Variants in SPATS2 observed in about 807,000 individuals in gnomAD.
The protein encoded by SPATS2 is spermatogenesis associated serine rich 2.
In SPATS2, 38 loss-of-function variants were observed where a neutral mutation model predicts 63.7. That is an observed-to-expected ratio of 0.60 (90% CI 0.46 to 0.78). SPATS2 has a LOEUF of 0.78. Among genes scored for constraint, SPATS2 ranks in the 30% least tolerant of loss-of-function variants. The probability of loss-of-function intolerance (pLI) is 0.00; values close to 1 mark genes in which losing one functional copy is unlikely to be tolerated. For synonymous variants in SPATS2, 207 were observed against 232.9 expected, an observed-to-expected ratio of 0.89 and a Z score of 1.01; for missense variants, 588 against 666.2, an observed-to-expected ratio of 0.88 and a Z score of 1.29.
In SPATS2 at chr12:49,412,572, G is replaced by A. The variant is rs560085937; in HGVS notation, c.-244+41282G>A. Among the ~76,000 whole-genome samples the A allele has an allele frequency of 2.0e-4, 30 of 152,014 alleles. No homozygotes were observed. The South Asian group carries it at 5.7e-3, about 29-fold the overall frequency. On this transcript the variant is annotated intron_variant, in intron 2 of 13. Coordinates refer to ENST00000552918, the MANE Select transcript of SPATS2 (RefSeq NM_023071.4). ...AGGCAGTAAACCATTGATTATGTGT[G>A]TGTGTAAATAATTAGAAGTCGTTTC...
chr12:49,453,369 T>G (rs1251316880), intron 2 of SPATS2, among the ~76,000 whole-genome samples: 3 of 152,168 alleles, frequency 2.0e-5, no homozygotes, highest in Non-Finnish European at 4.4e-5. Flanking sequence ...TTTTTCCTCC[T>G]TCTGAGGGTT....
At chr12:49,414,684 A>T (rs1944854652) in intron 2 of SPATS2, among the ~76,000 whole-genome samples, 1 of 147,556 alleles carries the variant, frequency 6.8e-6, no homozygotes, top group Non-Finnish European at 1.5e-5. Flanking sequence ...AGCTCACTGC[A>T]GCCTTGAACT....
intron 4 of SPATS2, among the ~76,000 whole-genome samples, chr12:49,487,932 C>T (rs1946321778): frequency 1.3e-5 from 2 of 152,130 alleles, no homozygotes; most frequent in Non-Finnish European, 2.9e-5. Flanking sequence ...AAACATGCCA[C>T]AGTTACCTAT....
chr12:49,505,959 T>G (rs1565755754), intron 9 of SPATS2, among the ~76,000 whole-genome samples: 1 of 152,224 alleles, frequency 6.6e-6, no homozygotes, highest in Non-Finnish European at 1.5e-5. Context: ...AACTTTATGA[T>G]GGTATGAAAG....
At chr12:49,401,293 G>A (rs541190293) in intron 2 of SPATS2, among the ~76,000 whole-genome samples, 7 of 152,280 alleles carry the variant, frequency 4.6e-5, no homozygotes, top group Admixed American at 4.6e-4. Context: ...TTACAGGCAT[G>A]AGCCACTGCA....
At chr12:49,385,392 C>T (rs559897972) in intron 2 of SPATS2, among the ~76,000 whole-genome samples, 6 of 108,794 alleles carry the variant, frequency 5.5e-5, no homozygotes, top group Admixed American at 5.2e-4. Flanking sequence ...GTGTGTGTGG[C>T]AGAGACAGAG....
Position 49,522,704 on chromosome 12 carries a change from G to T in SPATS2, c.1009-47G>T, listed in dbSNP as rs572209622. ...CTGTATAGCAAGTTATAGATTCCAT[G>T]GATGTTGTTTGTCTAACCTGGAGGC... On this transcript the variant is annotated intron_variant, in intron 11 of 13. Transcript: ENST00000552918. The T allele has an allele frequency of 9.0e-6, 13 of 1,445,672 alleles. No homozygotes were observed. In the South Asian group the frequency reaches 1.4e-4, roughly 16 times the overall value. The allele number at this position is 1,445,672 out of a possible 1,614,324, so 89.6% of individuals were successfully genotyped here.
intron 2 of SPATS2, among the ~76,000 whole-genome samples, chr12:49,430,040 C>G (rs1170862948): frequency 6.6e-6 from 1 of 151,352 alleles, no homozygotes; most frequent in East Asian, 1.9e-4. Context: ...CTCAGCCTCC[C>G]AAAGTGCTGG....
At chr12:49,449,037 T>C (rs1199246449) in intron 2 of SPATS2, among the ~76,000 whole-genome samples, 3 of 152,218 alleles carry the variant, frequency 2.0e-5, no homozygotes, top group African/African-American at 7.2e-5. Flanking sequence ...AGCATAAAAC[T>C]TTATTTACAA....
intron 2 of SPATS2, chr12:49,389,906 A>T: frequency 1.2e-6 from 1 of 812,908 alleles, no homozygotes; most frequent in Non-Finnish European, 2.2e-6. Flanking sequence ...CAAAAGCAGC[A>T]CTCCAAGGAT....
intron 11 of SPATS2, among the ~76,000 whole-genome samples, chr12:49,519,514 G>T (rs1565762568): frequency 6.6e-6 from 1 of 152,148 alleles, no homozygotes; most frequent in African/African-American, 2.4e-5. Context: ...TTCTGTAAGA[G>T]CCTCTTAACT....
At chr12:49,436,860 G>C (rs1945311195) in intron 2 of SPATS2, among the ~76,000 whole-genome samples, 1 of 144,292 alleles carries the variant, frequency 6.9e-6, no homozygotes, top group African/African-American at 2.6e-5. Context: ...CGGGCGGGGG[G>C]CTGACCCCCC....
rs1440634607 is a variant in SPATS2 at position 49,516,189 on chromosome 12, ATATATAT to A, written c.898+1577_898+1583del. On this transcript the variant is annotated intron_variant, in intron 10 of 13. Transcript: ENST00000552918. ...AAAATATATATATATATATATATAT[ATATATAT>A]ATATATATATATAAATCAGGCATGG... Among the ~76,000 whole-genome samples the A allele has an allele frequency of 8.8e-4, 93 of 105,270 alleles. 10 individuals carry two copies. Among genetic ancestry groups the A allele is most frequent in the African/African-American group, 1.7e-3 (51 of 29,522 alleles). 69.1% of individuals were successfully genotyped at this position (105,270 alleles called of 152,430 possible).
intron 2 of SPATS2, among the ~76,000 whole-genome samples, chr12:49,451,068 T>C (rs540938825): frequency 4.9e-4 from 71 of 144,614 alleles, no homozygotes; most frequent in African/African-American, 1.5e-3. Flanking sequence ...GATGGGATTT[T>C]ACCATGTTGG....
intron 3 of SPATS2, chr12:49,469,410 AAAAG>A: frequency 4.0e-6 from 1 of 247,056 alleles, no homozygotes; most frequent in Non-Finnish European, 7.9e-6. Context: ...AAAAAAAAAA[AAAAG>A]CCAGGCATGG....
intron 2 of SPATS2, among the ~76,000 whole-genome samples, chr12:49,377,873 A>G (rs1944136456): frequency 6.6e-6 from 1 of 152,228 alleles, no homozygotes; most frequent in Non-Finnish European, 1.5e-5. Flanking sequence ...CCCTTGGTCA[A>G]GTCATTTAAT....
intron 3 of SPATS2, 184 bp downstream of exon 3, chr12:49,461,221 A>G (rs1945816440): frequency 1.6e-6 from 1 of 626,222 alleles, no homozygotes; most frequent in Non-Finnish European, 2.7e-6. Context: ...TAGCTTTTCT[A>G]CTCACACAAA....
intron 2 of SPATS2, among the ~76,000 whole-genome samples, chr12:49,385,370 G>GTA (rs1207067521): frequency 2.7e-5 from 4 of 150,576 alleles, no homozygotes; most frequent in African/African-American, 9.8e-5. Flanking sequence ...GTGTGTGTGT[G>GTA]TGTGTGTGTG....
chr12:49,499,406 T>G, intron 8 of SPATS2, among the ~76,000 whole-genome samples: 1 of 140,900 alleles, frequency 7.1e-6, no homozygotes, highest in Non-Finnish European at 1.5e-5. Flanking sequence ...TTTGTTTTGT[T>G]TTGTTTTGTT....
Sources: allele counts gnomAD v4.1 joint callset (sites outside exome capture counted in the v4.1 genomes callset), GRCh38; gene constraint gnomAD v4.1.1; transcripts MANE v1.5; gene names NCBI Gene and HGNC (gene_info 2026-07-23, HGNC 2026-07-21).